Variants in SPIDR observed in about 807,000 individuals in gnomAD.
The protein encoded by SPIDR is DNA repair-scaffolding protein.
In SPIDR, 93 loss-of-function variants were observed where a neutral mutation model predicts 104.6. That is an observed-to-expected ratio of 0.89 (90% CI 0.75 to 1.06). The LOEUF is 1.06. Among genes scored for constraint, SPIDR ranks in the 50% least tolerant of loss-of-function variants. The pLI is 0.00. For missense variants in SPIDR, 1,154 were observed against 1,111.2 expected (o/e 1.04, Z -0.55); for synonymous variants, 431 against 416.9 (o/e 1.03, Z -0.41).
At chr8:47,520,064 A>G (rs2083814526) in intron 8 of SPIDR, among the ~76,000 whole-genome samples, 1 of 152,202 alleles carries the variant, frequency 6.6e-6, no homozygotes, top group Admixed American at 6.5e-5. Context: ...CAATAATCTT[A>G]TAGCCTGAAC....
At chr8:47,326,111 C>T (rs749195956) in intron 5 of SPIDR, among the ~76,000 whole-genome samples, 16 of 152,222 alleles carry the variant, frequency 1.1e-4, no homozygotes, top group Non-Finnish European at 1.9e-4. Flanking sequence ...CCTCCCACCT[C>T]TGCCTCCGAA....
chr8:47,314,920 A>C (rs1173558755), intron 5 of SPIDR, among the ~76,000 whole-genome samples: 4 of 152,208 alleles, frequency 2.6e-5, no homozygotes, highest in Non-Finnish European at 5.9e-5. Flanking sequence ...ATAATGACAC[A>C]GATAGATTGA....
At chr8:47,633,677 G>A (rs2067429604) in intron 10 of SPIDR, among the ~76,000 whole-genome samples, 1 of 151,970 alleles carries the variant, frequency 6.6e-6, no homozygotes, top group Admixed American at 6.6e-5. Flanking sequence ...TCAGGAAGTG[G>A]GGGTGGGAGA....
intron 5 of SPIDR, among the ~76,000 whole-genome samples, chr8:47,299,369 C>T (rs1233810521): frequency 2.0e-5 from 3 of 152,182 alleles, no homozygotes; most frequent in Non-Finnish European, 4.4e-5. Context: ...ATGGGGTTTT[C>T]TAGATATACA....
chr8:47,391,443 G>A (rs1444528121), intron 5 of SPIDR, among the ~76,000 whole-genome samples: 5 of 152,104 alleles, frequency 3.3e-5, no homozygotes, highest in South Asian at 4.1e-4. Context: ...GAGAGGCTGA[G>A]GTGGGAGGAT....
intron 5 of SPIDR, among the ~76,000 whole-genome samples, chr8:47,321,112 G>A (rs1022434248): frequency 3.9e-5 from 6 of 152,078 alleles, no homozygotes; most frequent in South Asian, 2.1e-4. Flanking sequence ...GGCAGGAGAA[G>A]GAAATAAAGG....
At chr8:47,293,376 A>T (rs1586465952) in intron 4 of SPIDR, among the ~76,000 whole-genome samples, 2 of 152,340 alleles carry the variant, frequency 1.3e-5, no homozygotes, top group African/African-American at 4.8e-5. Context: ...AAAGTAGTTA[A>T]CTTAAAATTG....
At chr8:47,624,203 A>T (rs1445979735) in intron 10 of SPIDR, among the ~76,000 whole-genome samples, 1 of 152,244 alleles carries the variant, frequency 6.6e-6, no homozygotes, top group African/African-American at 2.4e-5. Context: ...ACAAAGACAC[A>T]ACATACCAGA....
chr8:47,554,832 G>A (rs188000429), intron 8 of SPIDR, among the ~76,000 whole-genome samples: 7 of 152,256 alleles, frequency 4.6e-5, no homozygotes, highest in South Asian at 2.1e-4. Flanking sequence ...CGTCATTCAC[G>A]CTTGGAGCTG....
intron 2 of SPIDR, 116 bp from the exon 3 acceptor site, chr8:47,283,912 A>G (rs1233422148): frequency 2.9e-6 from 2 of 685,792 alleles, no homozygotes; most frequent in Non-Finnish European, 4.8e-6. Flanking sequence ...TGAATTGGTA[A>G]AGGAAATCAG....
At chr8:47,599,656 G>T (rs2062027650) in intron 10 of SPIDR, among the ~76,000 whole-genome samples, 1 of 152,190 alleles carries the variant, frequency 6.6e-6, no homozygotes, top group Non-Finnish European at 1.5e-5. Flanking sequence ...TTTCTGCAAT[G>T]ATGTAAATGT....
chr8:47,732,977 A>AT (rs1170704217), intron 19 of SPIDR, among the ~76,000 whole-genome samples: 2 of 152,216 alleles, frequency 1.3e-5, no homozygotes, highest in Non-Finnish European at 2.9e-5. Flanking sequence ...ATATATAGTG[A>AT]TTTTTTAAAA....
At chr8:47,727,119 T>C in intron 16 of SPIDR, 81 bp from the exon 17 acceptor site, 1 of 1,201,350 alleles carries the variant, frequency 8.3e-7, no homozygotes, top group South Asian at 1.3e-5. Flanking sequence ...CCCCTCATGT[T>C]GTCCTCTGCA....
intron 8 of SPIDR, among the ~76,000 whole-genome samples, chr8:47,519,206 G>A (rs778474807): frequency 7.2e-5 from 11 of 151,982 alleles, no homozygotes; most frequent in South Asian, 6.2e-4. Flanking sequence ...ATGCAGTGGC[G>A]CGATCTCAGC....
intron 8 of SPIDR, among the ~76,000 whole-genome samples, chr8:47,487,951 T>A (rs1308304699): frequency 1.3e-5 from 2 of 151,962 alleles, no homozygotes; most frequent in African/African-American, 2.4e-5. Flanking sequence ...AAGAACTAGA[T>A]AAGCAAGAGC....
chr8:47,272,568 T>C (rs2035548903), intron 1 of SPIDR, among the ~76,000 whole-genome samples: 1 of 152,206 alleles, frequency 6.6e-6, no homozygotes, highest in Non-Finnish European at 1.5e-5. Context: ...TTGAGACATA[T>C]GCTTTGGCAA....
chr8:47,330,173 T>G (rs1686692872), intron 5 of SPIDR, among the ~76,000 whole-genome samples: 1 of 152,114 alleles, frequency 6.6e-6, no homozygotes, highest in South Asian at 2.1e-4. Flanking sequence ...CTTCATTTTT[T>G]TGGTGGTGGT....
chr8:47,657,855 C>T (rs537620269), intron 10 of SPIDR, among the ~76,000 whole-genome samples: 5 of 151,770 alleles, frequency 3.3e-5, no homozygotes, highest in South Asian at 2.1e-4. Context: ...TATAGTGAGA[C>T]CCCATTTCTA....
intron 5 of SPIDR, among the ~76,000 whole-genome samples, chr8:47,321,201 T>A (rs556998825): frequency 1.3e-5 from 2 of 152,270 alleles, no homozygotes; most frequent in Admixed American, 6.5e-5. Context: ...AACCCCATCG[T>A]CTCAGCCCAA....
Sources: allele counts gnomAD v4.1 joint callset (sites outside exome capture counted in the v4.1 genomes callset), GRCh38; gene constraint gnomAD v4.1.1; transcripts MANE v1.5; gene names NCBI Gene and HGNC (gene_info 2026-07-23, HGNC 2026-07-21).